The following PRTG variants were observed in gnomAD, a reference collection of about 807,000 sequenced individuals.
PRTG encodes protogenin.
In PRTG, 67 loss-of-function variants were observed where a neutral mutation model predicts 122.5. The observed-to-expected ratio is 0.55, with a 90% CI of 0.45 to 0.67. PRTG has a LOEUF of 0.67. Among genes scored for constraint, PRTG ranks in the 30% least tolerant of loss-of-function variants. The probability of loss-of-function intolerance (pLI) is 0.00; values close to 1 mark genes in which losing one functional copy is unlikely to be tolerated. For missense variants in PRTG, 1,435 were observed against 1,415.4 expected, an observed-to-expected ratio of 1.01 and a Z score of -0.22; for synonymous variants, 554 against 501.1, an observed-to-expected ratio of 1.11 and a Z score of -1.41.
intron 2 of PRTG, among the ~76,000 whole-genome samples, chr15:55,703,945 T>C (rs578129928): frequency 2.0e-5 from 3 of 152,346 alleles, no homozygotes; most frequent in African/African-American, 7.2e-5. Context: ...GACATGCTAA[T>C]GCATTTATCA....
intron 2 of PRTG, among the ~76,000 whole-genome samples, chr15:55,735,481 A>G (rs1393531552): frequency 6.6e-6 from 1 of 152,094 alleles, no homozygotes; most frequent in African/African-American, 2.4e-5. Flanking sequence ...GGACTTCATC[A>G]ATAGACCCAG....
chr15:55,665,746 A>G (rs1366672822), intron 11 of PRTG, among the ~76,000 whole-genome samples: 1 of 151,982 alleles, frequency 6.6e-6, no homozygotes, highest in Non-Finnish European at 1.5e-5. Flanking sequence ...GGGTTATGCC[A>G]TGTTGGCCAG....
chr15:55,673,852 G>A (rs1165719782), intron 9 of PRTG, among the ~76,000 whole-genome samples, 176 bp from the exon 10 acceptor site: 4 of 152,190 alleles, frequency 2.6e-5, no homozygotes, highest in African/African-American at 4.8e-5. Flanking sequence ...AAAAAATAAT[G>A]AGGGAGGGCT....
At chr15:55,730,671 G>C (rs972294747) in intron 2 of PRTG, among the ~76,000 whole-genome samples, 31 of 152,090 alleles carry the variant, frequency 2.0e-4, no homozygotes, top group African/African-American at 7.5e-4. Flanking sequence ...GTGGTGGTGG[G>C]TGCCTGTAGT....
intron 11 of PRTG, among the ~76,000 whole-genome samples, chr15:55,665,968 A>G (rs1318858318): frequency 1.3e-5 from 2 of 152,252 alleles, no homozygotes; most frequent in Non-Finnish European, 2.9e-5. Context: ...AACCACATGC[A>G]TGCATTTATG....
chr15:55,627,203 C>T, intron 16 of PRTG, 75 bp from the exon 17 acceptor site: 1 of 1,151,260 alleles, frequency 8.7e-7, no homozygotes, highest in Non-Finnish European at 1.1e-6. Context: ...CAGGTACTTG[C>T]TTTTCCAAAA....
chr15:55,650,847 G>C (rs1488081265), intron 11 of PRTG, among the ~76,000 whole-genome samples: 1 of 152,070 alleles, frequency 6.6e-6, no homozygotes, highest in East Asian at 1.9e-4. Flanking sequence ...CATTCCTATA[G>C]TCCCAGCTAC....
At chr15:55,725,275 A>G (rs1276617168) in intron 2 of PRTG, among the ~76,000 whole-genome samples, 1 of 152,228 alleles carries the variant, frequency 6.6e-6, no homozygotes, top group Non-Finnish European at 1.5e-5. Flanking sequence ...CACACAAAAT[A>G]TAAACTAAAA....
chr15:55,661,733 C>A (rs546300150), intron 11 of PRTG, among the ~76,000 whole-genome samples: 8 of 152,222 alleles, frequency 5.3e-5, no homozygotes, highest in Non-Finnish European at 8.8e-5. Flanking sequence ...CAAAGAGAAG[C>A]CAGATGCAAC....
intron 9 of PRTG, among the ~76,000 whole-genome samples, chr15:55,674,254 C>T (rs188811778): frequency 1.3e-5 from 2 of 152,188 alleles, no homozygotes; most frequent in Non-Finnish European, 2.9e-5. Context: ...CTAGAGTTAG[C>T]TTCTCTGTGT....
chr15:55,718,781 C>T (rs2030700959), intron 2 of PRTG, among the ~76,000 whole-genome samples: 1 of 151,766 alleles, frequency 6.6e-6, no homozygotes, highest in African/African-American at 2.4e-5. Context: ...CTTTCTCTGT[C>T]ACCCAGGCTG....
chr15:55,691,698 A>G (rs1368835753), intron 2 of PRTG, among the ~76,000 whole-genome samples: 1 of 150,954 alleles, frequency 6.6e-6, no homozygotes, highest in Non-Finnish European at 1.5e-5. Context: ...AAAAAAAAAG[A>G]ATATGTGTTA....
intron 11 of PRTG, among the ~76,000 whole-genome samples, chr15:55,642,741 G>A (rs1322868701): frequency 6.6e-6 from 1 of 151,880 alleles, no homozygotes; most frequent in African/African-American, 2.4e-5. Context: ...TCTGGAAAAC[G>A]ACGTGAAATT....
chr15:55,667,938 T>C (rs1361560554), intron 11 of PRTG, among the ~76,000 whole-genome samples: 1 of 152,034 alleles, frequency 6.6e-6, no homozygotes, highest in African/African-American at 2.4e-5. Context: ...ATACCAAAAA[T>C]TAGCCCGGCG....
chr15:55,671,545 A>G (rs1352685142), intron 11 of PRTG, among the ~76,000 whole-genome samples: 2 of 151,870 alleles, frequency 1.3e-5, no homozygotes, highest in African/African-American at 2.4e-5. Context: ...CCCAGGCTGG[A>G]GCGTAGTGGC....
chr15:55,723,578 A>G (rs1215613817), intron 2 of PRTG, among the ~76,000 whole-genome samples: 3 of 152,092 alleles, frequency 2.0e-5, no homozygotes, highest in African/African-American at 7.2e-5. Context: ...ATACACCTAC[A>G]AAACTTGATG....
rs1567069887 is a variant in PRTG at position 55,618,019 on chromosome 15, A to G, written c.*1993T>C. ...AAAAATAACACTAGAATAACTTTAA[A>G]AGGAGGTAGTATAAAACAGGAGCTA... is the stretch of plus-strand genomic sequence containing the variant. On this transcript the variant is annotated 3_prime_UTR_variant, in exon 20 of 20. Coordinates refer to ENST00000389286, the MANE Select transcript of PRTG (RefSeq NM_173814.6). 6.6e-6 allele frequency: 1 copy of G among 152,150 alleles called. No homozygotes were observed. The highest frequency in any genetic ancestry group is 1.5e-5 in the Non-Finnish European group (1 of 68,028). 9.4% of individuals were successfully genotyped at this position (152,150 alleles called of 1,614,324 possible). A position where few individuals can be genotyped will look rare whatever the true frequency, so the allele number is the denominator to read the frequency against.
intron 13 of PRTG, 37 bp from the exon 14 acceptor site, chr15:55,638,713 G>C (rs371116403): frequency 1.9e-6 from 3 of 1,569,742 alleles, no homozygotes. Flanking sequence ...AATGCTGGTA[G>C]TATAATATTG....
chr15:55,626,765 T>C (rs919494743), intron 17 of PRTG, among the ~76,000 whole-genome samples: 2 of 147,970 alleles, frequency 1.4e-5, no homozygotes, highest in Admixed American at 6.7e-5. Flanking sequence ...CTCAAAAAAA[T>C]AAAAGAAAAG....
Sources: gnomAD v4.1 joint callset for allele counts (sites outside exome capture counted in the v4.1 genomes callset) on GRCh38, gnomAD v4.1.1 for gene constraint, MANE v1.5 for transcripts, NCBI Gene and HGNC (gene_info 2026-07-23, HGNC 2026-07-21) for gene names.